LAMA1: variants seen among roughly 807,000 people sequenced by gnomAD.
The protein encoded by LAMA1 is laminin subunit alpha 1, also known as laminin subunit alpha-1.
Under a neutral mutation model 348.7 loss-of-function variants are expected in LAMA1, and 219 were observed. The ratio of observed to expected loss-of-function variants is 0.63; its 90% confidence interval spans 0.56 to 0.70. The LOEUF is 0.70. Ranked by LOEUF, LAMA1 falls within the 30% of genes least tolerant of loss-of-function variation. The probability of loss-of-function intolerance (pLI) is 0.00; values close to 1 mark genes in which losing one functional copy is unlikely to be tolerated. For missense variants in LAMA1, 3,744 were observed against 3,888.0 expected, an observed-to-expected ratio of 0.96 and a Z score of 0.99; for synonymous variants, 1,487 against 1,491.0, an observed-to-expected ratio of 1.00 and a Z score of 0.06.
chr18:6,975,566 A>G (rs2057678099), intron 45 of LAMA1, among the ~76,000 whole-genome samples: 1 of 152,198 alleles, frequency 6.6e-6, no homozygotes, highest in Non-Finnish European at 1.5e-5. Flanking sequence ...CAAGGTATCG[A>G]AGACCTTTCA....
intron 18 of LAMA1, among the ~76,000 whole-genome samples, 192 bp downstream of exon 18, chr18:7,024,188 G>A (rs970725726): frequency 2.6e-4 from 40 of 151,966 alleles, no homozygotes; most frequent in Admixed American, 2.1e-3. Context: ...AAAGAGTACC[G>A]TTCTTTAAAA....
At chr18:7,083,998 G>A (rs2058204243) in intron 1 of LAMA1, among the ~76,000 whole-genome samples, 1 of 140,844 alleles carries the variant, frequency 7.1e-6, no homozygotes, top group African/African-American at 2.6e-5. Flanking sequence ...ACTTAAAGTT[G>A]AGAAGCGGAG....
At chr18:7,035,525 C>G (rs564649763) in intron 13 of LAMA1, among the ~76,000 whole-genome samples, 97 of 152,082 alleles carry the variant, frequency 6.4e-4, no homozygotes, top group African/African-American at 2.3e-3. Context: ...TGGGCTCAAG[C>G]CATCCTCCTG....
chr18:7,022,873 C>T lies in LAMA1; in HGVS notation c.2701+291G>A, dbSNP rs180933910. ...AGCTTCCCCACTTTCATTTCAGTCA[C>T]GGGGAGCAGAGCCGGAACTCTGTCA... On this transcript the variant is annotated intron_variant, in intron 19 of 62. Transcript: ENST00000389658. 3.0e-4 allele frequency among the ~76,000 whole-genome samples: 45 copies of T among 152,262 alleles called. No individual in the cohort carries two copies. In the East Asian group the frequency reaches 5.0e-3, roughly 17 times the overall value.
rs576024587 is a variant in LAMA1, at chr18:7,054,021, T to G, written c.346-3085A>C. Among the ~76,000 whole-genome samples the G allele has an allele frequency of 3.0e-3, 453 of 152,262 alleles. 2 individuals carry two copies. The highest frequency in any genetic ancestry group is 9.8e-3 in the African/African-American group (406 of 41,552). ...CCTGGGCTCAAGTGGTCTGCCCACC[T>G]TGACCTCCCAAAGTGCTTGGATTAC... On this transcript the variant is annotated intron_variant, in intron 3 of 62. Transcript: ENST00000389658.
intron 31 of LAMA1, 90 bp downstream of exon 31, chr18:6,999,821 G>A: frequency 7.6e-7 from 1 of 1,310,616 alleles, no homozygotes. Flanking sequence ...AATTGATAAT[G>A]GCTCCCAGAT....
intron 19 of LAMA1, among the ~76,000 whole-genome samples, chr18:7,022,289 T>C (rs1463758101): frequency 6.6e-6 from 1 of 152,154 alleles, no homozygotes; most frequent in Non-Finnish European, 1.5e-5. Flanking sequence ...TGAAAAGAAA[T>C]GACATGAAAA....
At chr18:6,971,069 G>A (rs2057656166) in intron 48 of LAMA1, among the ~76,000 whole-genome samples, 1 of 152,164 alleles carries the variant, frequency 6.6e-6, no homozygotes, top group Non-Finnish European at 1.5e-5. Flanking sequence ...ATATCCATCT[G>A]GACAGAGCAG....
chr18:6,967,825 G>A (rs1356531496), intron 48 of LAMA1, among the ~76,000 whole-genome samples: 1 of 152,040 alleles, frequency 6.6e-6, no homozygotes, highest in Non-Finnish European at 1.5e-5. Flanking sequence ...AAAAACATGG[G>A]GGCTTTCTCC....
At chr18:7,010,639 T>C (rs186633592) in intron 25 of LAMA1, among the ~76,000 whole-genome samples, 187 of 152,358 alleles carry the variant, frequency 1.2e-3, no homozygotes, top group African/African-American at 4.4e-3. Flanking sequence ...GTGGTAGTGA[T>C]GCAAATTATT....
intron 16 of LAMA1, among the ~76,000 whole-genome samples, chr18:7,028,665 A>G (rs1364043490): frequency 6.6e-6 from 1 of 152,262 alleles, no homozygotes; most frequent in African/African-American, 2.4e-5. Flanking sequence ...ATACCAGCGA[A>G]TGAAGAGCAC....
rs147044150 is a variant in LAMA1, at chr18:7,053,329, A to C, written c.346-2393T>G. On this transcript the variant is annotated intron_variant, in intron 3 of 62. Transcript: ENST00000389658. ...ACACCAAGAGGGAACCCTCAGGTAA[A>C]CTATGGACTCAACAATAATAATGCA... 2.5e-3 allele frequency among the ~76,000 whole-genome samples: 381 copies of C among 152,322 alleles called. 1 individual carries two copies. Among genetic ancestry groups the C allele is most frequent in the Non-Finnish European group, 4.3e-3 (293 of 68,022 alleles).
At chr18:7,054,629 C>T (rs567871423) in intron 3 of LAMA1, among the ~76,000 whole-genome samples, 11 of 152,122 alleles carry the variant, frequency 7.2e-5, no homozygotes, top group Non-Finnish European at 1.0e-4. Flanking sequence ...GACCTCTAAA[C>T]GTGTGTGTGT....
At position 6,948,532 on chromosome 18, in the gene LAMA1, T is replaced by G; in HGVS notation, c.8581A>C (p.Ile2861Leu). The change falls in exon 60 of 63, where the codon ATT (isoleucine) becomes CTT (leucine). Residue 2861 changes from isoleucine to leucine, a missense_variant. Physicochemically the swap from Ile to Leu is conservative, Grantham distance 5. Around this residue, in one of 3 missense-constraint regions of LAMA1, gnomAD observed 1,983 missense variants for 1,934.3 expected, o/e 1.03. Coordinates refer to ENST00000389658, the MANE Select transcript of LAMA1 (RefSeq NM_005559.4). ...GNITHSIPAC[I>L]GDVTVNSKQL... ...TTGCTGTTAACCGTCACATCCCCAA[T>G]GCAGGCAGGGATGCTGTGGGTGATC... 1 of 1,614,194 alleles carries G rather than the reference T, an allele frequency of 6.2e-7. No individual in the cohort carries two copies. The highest frequency in any genetic ancestry group is 1.1e-5 in the South Asian group (1 of 91,080).
Position 6,961,127 on chromosome 18 carries a change from C to T in LAMA1, c.7626+459G>A, listed in dbSNP as rs192030148. Among the ~76,000 whole-genome samples, 14 of 152,266 alleles carry T rather than the reference C, an allele frequency of 9.2e-5. No individual in the cohort carries two copies. In the East Asian group the frequency reaches 2.1e-3, roughly 23 times the overall value. On this transcript the variant is annotated intron_variant, in intron 53 of 62. Coordinates refer to ENST00000389658, the MANE Select transcript of LAMA1 (RefSeq NM_005559.4). The stretch of plus-strand genomic sequence containing the variant: ...ATGGTCATCATTTCTCTCCTTTCCC[C>T]CTGTTAGTTTACTGTGCTTATCACA...
chr18:7,062,316 T>A (rs576685097), intron 3 of LAMA1, among the ~76,000 whole-genome samples: 40 of 151,910 alleles, frequency 2.6e-4, no homozygotes, highest in African/African-American at 9.2e-4. Flanking sequence ...TGAAACCAGA[T>A]GAGAGATGTC....
rs964101063 is a variant in LAMA1, at chr18:6,995,206, A to G, written c.4896+151T>C. 1.9e-5 allele frequency: 13 copies of G among 695,238 alleles called. No homozygotes were observed. In the Admixed American group the frequency reaches 2.5e-4, roughly 13 times the overall value. The allele number at this position is 695,238 out of a possible 1,614,324, so 43.1% of individuals were successfully genotyped here. ...ACAGAAACTGGCAGGGTCAAAACCA[A>G]TTTGATGATTAAGTACCTGGAGCAC... On this transcript the variant is annotated intron_variant, in intron 34 of 62. Coordinates refer to ENST00000389658, the MANE Select transcript of LAMA1 (RefSeq NM_005559.4).
intron 48 of LAMA1, among the ~76,000 whole-genome samples, chr18:6,970,542 G>T (rs937935562): frequency 1.3e-5 from 2 of 151,994 alleles, no homozygotes; most frequent in East Asian, 3.9e-4. Context: ...GGGGGACCTG[G>T]GCCAGAAGCC....
At chr18:6,968,566 C>T (rs1446295023) in intron 48 of LAMA1, among the ~76,000 whole-genome samples, 2 of 152,180 alleles carry the variant, frequency 1.3e-5, no homozygotes. Context: ...TGTCAAAGGC[C>T]AGCCACGTAG....
Sources: allele counts gnomAD v4.1 joint callset (sites outside exome capture counted in the v4.1 genomes callset), GRCh38; gene constraint gnomAD v4.1.1; regional missense constraint gnomAD v4.1.1; transcripts MANE v1.5; gene names NCBI Gene and HGNC (gene_info 2026-07-23, HGNC 2026-07-21).